Variants in SLC10A7 observed in about 807,000 individuals in gnomAD.
SLC10A7 encodes the protein solute carrier family 10 member 7.
In SLC10A7, 29 loss-of-function variants were observed where a neutral mutation model predicts 43.2. The observed-to-expected ratio is 0.67, with a 90% CI of 0.50 to 0.92. SLC10A7 has a LOEUF of 0.92. Among genes scored for constraint, SLC10A7 ranks in the 40% least tolerant of loss-of-function variants. The pLI, the probability that SLC10A7 is intolerant of heterozygous loss-of-function variation, is 0.00. For synonymous variants in SLC10A7, 152 were observed against 144.8 expected (o/e 1.05, Z -0.35); for missense variants, 295 against 403.2 (o/e 0.73, Z 2.30).
chr4:146,385,443 A>G (rs1475976313), intron 5 of SLC10A7, among the ~76,000 whole-genome samples: 1 of 152,102 alleles, frequency 6.6e-6, no homozygotes, highest in Non-Finnish European at 1.5e-5. Context: ...GAGGTTCAGC[A>G]TATTTACTCA....
At chr4:146,323,387 T>C (rs535657225) in intron 6 of SLC10A7, among the ~76,000 whole-genome samples, 1 of 152,218 alleles carries the variant, frequency 6.6e-6, no homozygotes, top group South Asian at 2.1e-4. Context: ...TTAATCCATC[T>C]TGAATTAATT....
intron 10 of SLC10A7, among the ~76,000 whole-genome samples, chr4:146,282,543 GA>G (rs1164504941): frequency 1.8e-4 from 28 of 152,078 alleles, no homozygotes; most frequent in Non-Finnish European, 1.0e-4. Context: ...GACTTTTAAT[GA>G]CTAAAAACAT....
chr4:146,293,988 C>T lies in SLC10A7; in HGVS notation c.663G>A (p.Thr221=), dbSNP rs564278249. The change falls in exon 8 of 12, where the codon ACG becomes ACA. Residue 221 remains threonine, a synonymous_variant. Coordinates refer to ENST00000335472, the MANE Select transcript of SLC10A7 (RefSeq NM_001029998.6). ...LMIIYTTFCD[T]FSNPNIDLDK... ...CCAGGTCAATATTTGGGTTAGAGAA[C>T]GTGTCACAGAATGTTGTGTAGATGA... 3.0e-5 allele frequency: 49 copies of T among 1,613,248 alleles called. No homozygotes were observed. Among genetic ancestry groups the T allele is most frequent in the African/African-American group, 1.6e-4 (12 of 74,874 alleles).
intron 1 of SLC10A7, among the ~76,000 whole-genome samples, chr4:146,519,079 AT>A (rs1298684953): frequency 0.035 from 979 of 28,208 alleles, 97 homozygotes; most frequent in African/African-American, 0.1. Context: ...ATATATATAT[AT>A]ATATATATAT....
At chr4:146,408,141 G>A (rs1727871035) in intron 5 of SLC10A7, among the ~76,000 whole-genome samples, 1 of 152,134 alleles carries the variant, frequency 6.6e-6, no homozygotes, top group Admixed American at 6.5e-5. Context: ...AGAAATAACA[G>A]GATAGCATAT....
At chr4:146,262,858 A>T (rs1728320755) in intron 10 of SLC10A7, among the ~76,000 whole-genome samples, 1 of 152,204 alleles carries the variant, frequency 6.6e-6, no homozygotes, top group Non-Finnish European at 1.5e-5. Context: ...CTAAAGTGCA[A>T]ATCTGATCGT....
At chr4:146,392,103 T>C (rs966357731) in intron 5 of SLC10A7, among the ~76,000 whole-genome samples, 1 of 152,206 alleles carries the variant, frequency 6.6e-6, no homozygotes, top group Non-Finnish European at 1.5e-5. Context: ...ATGCTCAGTA[T>C]GATCTATTCT....
intron 5 of SLC10A7, among the ~76,000 whole-genome samples, chr4:146,414,226 C>T (rs189778174): frequency 7.2e-5 from 11 of 152,126 alleles, no homozygotes; most frequent in East Asian, 3.9e-4. Flanking sequence ...ATTGTGCTGA[C>T]GAAAGGAGAT....
At chr4:146,271,569 G>T (rs564101270) in intron 10 of SLC10A7, among the ~76,000 whole-genome samples, 1 of 152,196 alleles carries the variant, frequency 6.6e-6, no homozygotes, top group African/African-American at 2.4e-5. Flanking sequence ...ACTTTTAACA[G>T]AACAACCATA....
intron 5 of SLC10A7, among the ~76,000 whole-genome samples, chr4:146,420,264 G>T (rs550512948): frequency 6.6e-6 from 1 of 152,128 alleles, no homozygotes; most frequent in Non-Finnish European, 1.5e-5. Flanking sequence ...TCTCACAATG[G>T]TTTTCTCACC....
chr4:146,458,166 C>T (rs549221455), intron 4 of SLC10A7, among the ~76,000 whole-genome samples: 114 of 151,538 alleles, frequency 7.5e-4, no homozygotes, highest in African/African-American at 2.5e-3. Flanking sequence ...GCAAAGTTGG[C>T]ATAAGATTTA....
chr4:146,303,539 A>G (rs371790327), intron 7 of SLC10A7, among the ~76,000 whole-genome samples: 1 of 151,522 alleles, frequency 6.6e-6, no homozygotes, highest in African/African-American at 2.4e-5. Context: ...CACCACACCC[A>G]GCCAATTTTT....
intron 5 of SLC10A7, among the ~76,000 whole-genome samples, chr4:146,370,580 C>A (rs992181153): frequency 6.6e-6 from 1 of 152,100 alleles, no homozygotes; most frequent in Non-Finnish European, 1.5e-5. Flanking sequence ...TGTGTTCCTA[C>A]GCTAAACTTC....
intron 4 of SLC10A7, among the ~76,000 whole-genome samples, chr4:146,502,445 A>G (rs964801319): frequency 2.6e-5 from 4 of 152,218 alleles, no homozygotes; most frequent in Non-Finnish European, 5.9e-5. Flanking sequence ...GAGACTTATA[A>G]CTATTTATAG....
chr4:146,437,134 G>A lies in SLC10A7; in HGVS notation c.435+5649C>T, dbSNP rs190057856. ...ATGCCTTGAATCTAATGGACTCTGAGTATATGTGTGTTGATTTTCTATCCT... is the reference window on the plus strand; with the variant it reads ...ATGCCTTGAATCTAATGGACTCTGAATATATGTGTGTTGATTTTCTATCCT... On this transcript the variant is annotated intron_variant, in intron 5 of 11. Coordinates refer to ENST00000335472, the MANE Select transcript of SLC10A7 (RefSeq NM_001029998.6). Among the ~76,000 whole-genome samples the A allele has an allele frequency of 1.8e-4, 27 of 152,178 alleles. 1 individual carries two copies. Among genetic ancestry groups the A allele is most frequent in the Admixed American group, 1.4e-3 (21 of 15,272 alleles).
intron 5 of SLC10A7, among the ~76,000 whole-genome samples, chr4:146,355,462 A>C (rs1419354276): frequency 6.6e-6 from 1 of 152,056 alleles, no homozygotes; most frequent in Non-Finnish European, 1.5e-5. Flanking sequence ...TAGTTCAACC[A>C]TTGTGGAAGT....
chr4:146,296,229 T>A (rs1730776030), intron 7 of SLC10A7, among the ~76,000 whole-genome samples: 1 of 152,188 alleles, frequency 6.6e-6, no homozygotes, highest in Non-Finnish European at 1.5e-5. Context: ...TATTCACACA[T>A]GTATTATACT....
intron 5 of SLC10A7, among the ~76,000 whole-genome samples, chr4:146,421,118 T>C (rs1459507221): frequency 6.6e-6 from 1 of 152,150 alleles, no homozygotes; most frequent in Admixed American, 6.5e-5. Context: ...CATTTATGAA[T>C]GCTTGCTAAT....
intron 4 of SLC10A7, among the ~76,000 whole-genome samples, chr4:146,481,512 G>A (rs1734473550): frequency 6.6e-6 from 1 of 152,190 alleles, no homozygotes. Context: ...AGTTACCACT[G>A]TGCCTCGTGG....
Sources: allele counts gnomAD v4.1 joint callset (sites outside exome capture counted in the v4.1 genomes callset), GRCh38; gene constraint gnomAD v4.1.1; transcripts MANE v1.5; gene names NCBI Gene and HGNC (gene_info 2026-07-23, HGNC 2026-07-21).